MCU: variants seen among roughly 807,000 people sequenced by gnomAD.
MCU encodes mitochondrial calcium uniporter.
A neutral mutation model predicts 45.2 loss-of-function variants in MCU; 12 were observed. The observed-to-expected ratio is 0.27, with a 90% CI of 0.17 to 0.43. The LOEUF is 0.43. MCU is among the 20% of genes least tolerant of loss of function. The probability of loss-of-function intolerance (pLI) is 1.00; values close to 1 mark genes in which losing one functional copy is unlikely to be tolerated. For missense variants in MCU, 324 were observed against 436.7 expected (o/e 0.74, Z 2.30); for synonymous variants, 160 against 165.1 (o/e 0.97, Z 0.24).
At chr10:72,828,397 A>T (rs1844828950) in intron 1 of MCU, among the ~76,000 whole-genome samples, 2 of 152,152 alleles carry the variant, frequency 1.3e-5, no homozygotes, top group Admixed American at 1.3e-4. Flanking sequence ...TCTTAATGAA[A>T]TTAGATCCCA....
chr10:72,763,708 G>C (rs1843687005), intron 1 of MCU, among the ~76,000 whole-genome samples: 1 of 152,028 alleles, frequency 6.6e-6, no homozygotes, highest in Admixed American at 6.6e-5. Context: ...TTTCACTTTA[G>C]GTAGATCATA....
intron 1 of MCU, among the ~76,000 whole-genome samples, chr10:72,731,336 A>C (rs1364914201): frequency 6.6e-6 from 1 of 152,238 alleles, no homozygotes; most frequent in African/African-American, 2.4e-5. Flanking sequence ...AGATCATTTT[A>C]TTGTAGATAT....
At chr10:72,850,897 A>G (rs1845198721) in intron 2 of MCU, among the ~76,000 whole-genome samples, 1 of 152,238 alleles carries the variant, frequency 6.6e-6, no homozygotes, top group African/African-American at 2.4e-5. Context: ...ATACTTTAAA[A>G]GAATATTTTT....
At chr10:72,707,889 G>A (rs996022656) in intron 1 of MCU, among the ~76,000 whole-genome samples, 1 of 151,682 alleles carries the variant, frequency 6.6e-6, no homozygotes, top group African/African-American at 2.4e-5. Context: ...GTCCAGACTG[G>A]TCTTGAACTC....
chr10:72,780,227 G>C (rs1843968526), intron 1 of MCU, among the ~76,000 whole-genome samples: 1 of 152,098 alleles, frequency 6.6e-6, no homozygotes, highest in African/African-American at 2.4e-5. Flanking sequence ...AATCCATAGA[G>C]AAAAAGTAGA....
At chr10:72,762,093 A>G (rs1477853203) in intron 1 of MCU, among the ~76,000 whole-genome samples, 1 of 152,216 alleles carries the variant, frequency 6.6e-6, no homozygotes, top group Non-Finnish European at 1.5e-5. Flanking sequence ...AAATCTTCAG[A>G]AAGTATGAAA....
chr10:72,754,881 A>G (rs1402372661), intron 1 of MCU, among the ~76,000 whole-genome samples: 1 of 152,196 alleles, frequency 6.6e-6, no homozygotes, highest in Non-Finnish European at 1.5e-5. Context: ...CATACTGCCC[A>G]GTTTGCAGAC....
Position 72,885,946 on chromosome 10 carries a change from A to G in MCU, c.*124A>G, listed in dbSNP as rs1016609603. ...CGTTTTTACCTTTAATTATAAAACA[A>G]AAACAGAAAGGATCTGAGGGAAGAA... On this transcript the variant is annotated 3_prime_UTR_variant, in exon 8 of 8. Coordinates refer to ENST00000373053, the MANE Select transcript of MCU (RefSeq NM_138357.3). 2.8e-5 allele frequency: 19 copies of G among 681,646 alleles called. No homozygotes were observed. The highest frequency in any genetic ancestry group is 4.8e-5 in the Non-Finnish European group (19 of 393,268). The allele number at this position is 681,646 out of a possible 1,614,324, so 42.2% of individuals were successfully genotyped here. A position where few individuals can be genotyped will look rare whatever the true frequency, so the allele number is the denominator to read the frequency against.
intron 2 of MCU, among the ~76,000 whole-genome samples, chr10:72,849,757 C>T (rs1037768506): frequency 6.6e-6 from 1 of 152,080 alleles, no homozygotes; most frequent in African/African-American, 2.4e-5. Context: ...TCGTTAACAT[C>T]ATTAGATACT....
chr10:72,769,818 C>T (rs927485789), intron 1 of MCU, among the ~76,000 whole-genome samples: 1 of 152,088 alleles, frequency 6.6e-6, no homozygotes, highest in African/African-American at 2.4e-5. Context: ...AGCTACTTTT[C>T]GTTTCTGTGG....
chr10:72,717,125 CTCT>C (rs937324025), intron 1 of MCU, among the ~76,000 whole-genome samples: 5 of 107,562 alleles, frequency 4.6e-5, no homozygotes, highest in Non-Finnish European at 7.9e-5. Context: ...CTCTCTCTCT[CTCT>C]TTTTTTTTTT....
chr10:72,692,823 T>C, intron 1 of MCU: 1 of 1,422,536 alleles, frequency 7.0e-7, no homozygotes, highest in Middle Eastern at 2.6e-4. Context: ...TCGTCCTCTC[T>C]CGTCCCCGAG....
intron 1 of MCU, among the ~76,000 whole-genome samples, chr10:72,701,597 G>A (rs1842759219): frequency 6.6e-6 from 1 of 152,072 alleles, no homozygotes; most frequent in African/African-American, 2.4e-5. Flanking sequence ...TGCGATCTCG[G>A]CTCACTGCAA....
At chr10:72,837,184 C>T (rs1334358845) in intron 2 of MCU, among the ~76,000 whole-genome samples, 2 of 151,622 alleles carry the variant, frequency 1.3e-5, no homozygotes, top group Admixed American at 1.3e-4. Context: ...AGCAATCTAA[C>T]AGGTTCTAGA....
intron 1 of MCU, among the ~76,000 whole-genome samples, chr10:72,700,410 C>T (rs967945686): frequency 7.9e-5 from 12 of 152,176 alleles, no homozygotes; most frequent in Non-Finnish European, 1.6e-4. Context: ...TAATTACTCT[C>T]TAATTTAGAT....
At chr10:72,731,286 C>G (rs1181771638) in intron 1 of MCU, 3 of 151,622 alleles carry the variant, frequency 2.0e-5, no homozygotes, top group Non-Finnish European at 4.4e-5. Flanking sequence ...AGAGATCAAG[C>G]CTGTGAGAAA....
chr10:72,704,517 AT>A (rs138574555), intron 1 of MCU, among the ~76,000 whole-genome samples: 13 of 149,518 alleles, frequency 8.7e-5, no homozygotes, highest in Admixed American at 2.7e-4. Flanking sequence ...AAAATTTGTG[AT>A]TTTTTTTTTA....
intron 1 of MCU, among the ~76,000 whole-genome samples, chr10:72,831,439 T>A (rs1215025295): frequency 6.6e-6 from 1 of 152,190 alleles, no homozygotes; most frequent in Non-Finnish European, 1.5e-5. Flanking sequence ...TTTTATATGT[T>A]ACAGTATATT....
At chr10:72,797,066 A>G (rs1176450105) in intron 1 of MCU, among the ~76,000 whole-genome samples, 1 of 152,104 alleles carries the variant, frequency 6.6e-6, no homozygotes, top group Non-Finnish European at 1.5e-5. Context: ...GAGTGCACCC[A>G]TAATATTGTA....
Sources: gnomAD v4.1 joint callset for allele counts (sites outside exome capture counted in the v4.1 genomes callset) on GRCh38, gnomAD v4.1.1 for gene constraint, MANE v1.5 for transcripts, NCBI Gene and HGNC (gene_info 2026-07-23, HGNC 2026-07-21) for gene names.